The following CDH4 variants were observed in gnomAD, a reference collection of about 807,000 sequenced individuals.
CDH4 encodes the protein cadherin-4.
CDH4 carries 33 observed loss-of-function variants against 86.0 expected under a neutral mutation model. That is an observed-to-expected ratio of 0.38 (90% CI 0.29 to 0.51). The LOEUF is 0.51. CDH4 is among the 20% of genes least tolerant of loss of function. The probability of loss-of-function intolerance (pLI) is 0.86; values close to 1 mark genes in which losing one functional copy is unlikely to be tolerated. For synonymous variants in CDH4, 555 were observed against 549.4 expected (o/e 1.01, Z -0.14); for missense variants, 1,114 against 1,307.4 (o/e 0.85, Z 2.28).
At chr20:61,596,323 C>A (rs960113399) in intron 2 of CDH4, among the ~76,000 whole-genome samples, 1 of 152,112 alleles carries the variant, frequency 6.6e-6, no homozygotes, top group Admixed American at 6.5e-5. Context: ...TGGTGGCTGC[C>A]CAGGGCATGG....
chr20:61,810,193 C>T lies in CDH4; in HGVS notation c.577-34475C>T, dbSNP rs1025645447. ...GGAGACAGAGATGGGTGAGGGAGGC[C>T]GGGCCAGCCACACTAACATCCCACT... On this transcript the variant is annotated intron_variant, in intron 4 of 15. Transcript: ENST00000614565. This position sits in a 1 kb window ranked among gnomAD's most constrained non-coding sequence, Gnocchi z 4.3. Among the ~76,000 whole-genome samples the T allele has an allele frequency of 9.2e-5, 14 of 152,114 alleles. No individual in the cohort carries two copies. Among genetic ancestry groups the T allele is most frequent in the Non-Finnish European group, 5.9e-5 (4 of 68,024 alleles).
intron 7 of CDH4, 33 bp from the exon 8 acceptor site, chr20:61,894,877 T>C (rs1985026238): frequency 1.9e-6 from 3 of 1,591,978 alleles, no homozygotes; most frequent in African/African-American, 2.7e-5. Context: ...AAACTGATTT[T>C]CTGTTCTTTC....
At chr20:61,619,059 T>C (rs535908123) in intron 2 of CDH4, among the ~76,000 whole-genome samples, 34 of 152,230 alleles carry the variant, frequency 2.2e-4, no homozygotes, top group African/African-American at 8.2e-4. Flanking sequence ...CCCTGCCCAG[T>C]GATAGTGAAT....
At chr20:61,332,946 A>G (rs1201666411) in intron 2 of CDH4, among the ~76,000 whole-genome samples, 1 of 152,156 alleles carries the variant, frequency 6.6e-6, no homozygotes, top group Non-Finnish European at 1.5e-5. Context: ...AGGCCCCGAG[A>G]GCCTCTTACA....
At chr20:61,798,815 C>T (rs1979684566) in intron 4 of CDH4, among the ~76,000 whole-genome samples, 1 of 152,214 alleles carries the variant, frequency 6.6e-6, no homozygotes, top group Non-Finnish European at 1.5e-5. Context: ...GCTGTGTGTC[C>T]CGAGTCCAGC....
At chr20:61,337,532 A>ATG (rs2084626534) in intron 2 of CDH4, among the ~76,000 whole-genome samples, 1 of 130 alleles carries the variant, frequency 7.7e-3, no homozygotes, top group African/African-American at 0.038. Flanking sequence ...AAGATGAGGG[A>ATG]AAGCATGGTC....
intron 2 of CDH4, among the ~76,000 whole-genome samples, chr20:61,604,836 T>C (rs1266331086): frequency 6.6e-6 from 1 of 152,162 alleles, no homozygotes; most frequent in Non-Finnish European, 1.5e-5. Flanking sequence ...TGGGCGTCAC[T>C]TCAGGAGAAA....
At chr20:61,714,215 T>A (rs962283948) in intron 2 of CDH4, among the ~76,000 whole-genome samples, 1 of 151,666 alleles carries the variant, frequency 6.6e-6, no homozygotes, top group Non-Finnish European at 1.5e-5. Context: ...CCTGGCTAAT[T>A]TTTTGTATTT....
Position 61,507,005 on chromosome 20 carries a change from C to T in CDH4, c.170-236558C>T, listed in dbSNP as rs181454852. Among the ~76,000 whole-genome samples the T allele has an allele frequency of 4.0e-3, 610 of 152,290 alleles. 2 individuals carry two copies. Among genetic ancestry groups the T allele is most frequent in the Middle Eastern group, 0.014 (4 of 294 alleles). On this transcript the variant is annotated intron_variant, in intron 2 of 15. Coordinates refer to ENST00000614565, the MANE Select transcript of CDH4 (RefSeq NM_001794.5). ...AATTACTCGAATCAGTGGCTCGTAA[C>T]CATGGTGGCTTTCCAACAGTGCAGC...
At chr20:61,808,402 A>T (rs1456984531) in intron 4 of CDH4, among the ~76,000 whole-genome samples, 1 of 152,194 alleles carries the variant, frequency 6.6e-6, no homozygotes. Context: ...CTGTGCAAAG[A>T]CACATTTATA....
At chr20:61,719,087 A>G (rs770169504) in intron 2 of CDH4, 13 of 471,020 alleles carry the variant, frequency 2.8e-5, no homozygotes, top group Non-Finnish European at 1.3e-5. Context: ...GCGAAAGCAA[A>G]TGATCAAAAT....
In CDH4 at chr20:61,508,008, T is replaced by C. The variant is rs144414430; in HGVS notation, c.170-235555T>C. Among the ~76,000 whole-genome samples, 295 of 152,344 alleles carry C rather than the reference T, an allele frequency of 1.9e-3. 2 individuals carry two copies. The highest frequency in any genetic ancestry group is 6.7e-3 in the African/African-American group (279 of 41,584). ...GAAGACGTCGCTGTCAGGATGGGGT[T>C]GTATCCTGCTGTCTCTGTGCGCACT... On this transcript the variant is annotated intron_variant, in intron 2 of 15. Transcript: ENST00000614565.
chr20:61,267,837 T>C (rs1234369978), intron 2 of CDH4, among the ~76,000 whole-genome samples: 1 of 152,094 alleles, frequency 6.6e-6, no homozygotes, highest in Non-Finnish European at 1.5e-5. Context: ...CAAAACCGCT[T>C]TACTGTGGAA....
chr20:61,900,147 G>A (rs989059749), intron 8 of CDH4, among the ~76,000 whole-genome samples: 8 of 152,166 alleles, frequency 5.3e-5, no homozygotes, highest in Admixed American at 3.3e-4. Context: ...GGCAGCTCTC[G>A]CCCACAGATC....
rs1343634775 is a variant in CDH4, at chr20:61,769,829, G to A, written c.397-3174G>A. ...GTTATTTCAAGCCACTTTGAGCAGT[G>A]GGATTAATCTGGTCTTTCTCATCAA... On this transcript the variant is annotated intron_variant, in intron 3 of 15. Transcript: ENST00000614565. Among the ~76,000 whole-genome samples, 6 of 152,198 alleles carry A rather than the reference G, an allele frequency of 3.9e-5. No homozygotes were observed. The East Asian group carries it at 9.6e-4, about 24-fold the overall frequency.
intron 9 of CDH4, among the ~76,000 whole-genome samples, chr20:61,915,182 T>A (rs879518940): frequency 6.6e-6 from 1 of 152,248 alleles, no homozygotes; most frequent in Non-Finnish European, 1.5e-5. Flanking sequence ...TGGAACCTGC[T>A]ACCTCTGCCA....
intron 2 of CDH4, among the ~76,000 whole-genome samples, chr20:61,404,808 T>C (rs1230377115): frequency 6.6e-6 from 1 of 151,964 alleles, no homozygotes; most frequent in Non-Finnish European, 1.5e-5. Context: ...CCCAGCACTT[T>C]AGGAGGCTGA....
At chr20:61,872,820 C>T (rs1263459810) in intron 6 of CDH4, among the ~76,000 whole-genome samples, 4 of 152,240 alleles carry the variant, frequency 2.6e-5, no homozygotes, top group Non-Finnish European at 2.9e-5. Flanking sequence ...AGAGCGGGGC[C>T]TCCACCGGGT....
rs978347945 is a variant in CDH4 at position 61,417,348 on chromosome 20, C to A, written c.169+162411C>A. Among the ~76,000 whole-genome samples the A allele has an allele frequency of 1.3e-5, 2 of 151,988 alleles. No individual in the cohort carries two copies. Among genetic ancestry groups the A allele is most frequent in the African/African-American group, 4.8e-5 (2 of 41,358 alleles). ...CTCTTCTCTCTCCCCTCACCCCTAG[C>A]CCCTCTCTCTCCTCCCTCTCCCTGT... On this transcript the variant is annotated intron_variant, in intron 2 of 15. Transcript: ENST00000614565. This position sits in a 1 kb window ranked among gnomAD's most constrained non-coding sequence, Gnocchi z 4.0.
Sources: allele counts gnomAD v4.1 joint callset (sites outside exome capture counted in the v4.1 genomes callset), GRCh38; gene constraint gnomAD v4.1.1; non-coding constraint Gnocchi (gnomAD v3.1); transcripts MANE v1.5; gene names NCBI Gene and HGNC (gene_info 2026-07-23, HGNC 2026-07-21).